The following KHDRBS2 variants were observed in gnomAD, a reference collection of about 807,000 sequenced individuals.
KHDRBS2 encodes KH domain-containing, RNA-binding, signal transduction-associated protein 2.
KHDRBS2 carries 26 observed loss-of-function variants against 44.3 expected under a neutral mutation model. The observed-to-expected ratio is 0.59, with a 90% CI of 0.43 to 0.81. The LOEUF (loss-of-function observed/expected upper bound fraction) is 0.81. Among genes scored for constraint, KHDRBS2 ranks in the 40% least tolerant of loss-of-function variants. The pLI, the probability that KHDRBS2 is intolerant of heterozygous loss-of-function variation, is 0.00. For missense variants in KHDRBS2, 476 were observed against 433.1 expected (o/e 1.10, Z -0.88); for synonymous variants, 194 against 151.1 (o/e 1.28, Z -2.08).
chr6:61,575,332 A>T, the KHDRBS2 span, among the ~76,000 whole-genome samples: 1 of 152,222 alleles, frequency 6.6e-6, no homozygotes, highest in Non-Finnish European at 1.5e-5. Context: ...TCAAAAGAAG[A>T]TATACAAATA....
At chr6:61,869,705 G>C (rs1798320927) in intron 6 of KHDRBS2, among the ~76,000 whole-genome samples, 2 of 152,180 alleles carry the variant, frequency 1.3e-5, no homozygotes, top group African/African-American at 4.8e-5. Context: ...AGCTCATGGA[G>C]GGTGAGCCGA....
chr6:61,686,706 A>T (rs1766850774), intron 8 of KHDRBS2, among the ~76,000 whole-genome samples: 1 of 151,680 alleles, frequency 6.6e-6, no homozygotes, highest in African/African-American at 2.4e-5. Flanking sequence ...ACTATGACTC[A>T]GAAAGTTTAG....
intron 2 of KHDRBS2, among the ~76,000 whole-genome samples, chr6:62,159,830 A>G (rs1817254493): frequency 6.6e-6 from 1 of 152,180 alleles, no homozygotes; most frequent in African/African-American, 2.4e-5. Flanking sequence ...CTACTCCTTA[A>G]GTGGAAGTGA....
At chr6:62,094,276 T>C (rs1800105356) in intron 2 of KHDRBS2, among the ~76,000 whole-genome samples, 1 of 151,864 alleles carries the variant, frequency 6.6e-6, no homozygotes, top group Non-Finnish European at 1.5e-5. Flanking sequence ...ATTTGAATTT[T>C]TCTGGTGATT....
the KHDRBS2 span, among the ~76,000 whole-genome samples, chr6:61,637,845 T>C: frequency 6.6e-6 from 1 of 152,158 alleles, no homozygotes; most frequent in East Asian, 1.9e-4. Context: ...TTGAGAAGTG[T>C]CTGTTCATGT....
chr6:61,863,162 G>T (rs1289899491), intron 6 of KHDRBS2, among the ~76,000 whole-genome samples: 1 of 151,190 alleles, frequency 6.6e-6, no homozygotes, highest in Non-Finnish European at 1.5e-5. Context: ...CTTTTTATTT[G>T]AATCTTCTCT....
the KHDRBS2 span, among the ~76,000 whole-genome samples, chr6:61,561,031 T>G: frequency 6.6e-6 from 1 of 152,182 alleles, no homozygotes; most frequent in African/African-American, 2.4e-5. Context: ...TTCTTATCTG[T>G]ATTAGGTAGG....
intron 2 of KHDRBS2, among the ~76,000 whole-genome samples, chr6:62,089,135 A>G (rs1207654394): frequency 2.0e-5 from 3 of 151,944 alleles, no homozygotes; most frequent in African/African-American, 4.8e-5. Flanking sequence ...ATTTCATACC[A>G]GTGTATCTCA....
At chr6:61,692,513 TTAAC>T (rs1239424362) in intron 8 of KHDRBS2, among the ~76,000 whole-genome samples, 5 of 152,026 alleles carry the variant, frequency 3.3e-5, no homozygotes, top group Non-Finnish European at 4.4e-5. Context: ...CCTGAATAAT[TTAAC>T]TGTGATAAAA....
At chr6:61,886,044 C>A (rs1196138350) in intron 6 of KHDRBS2, among the ~76,000 whole-genome samples, 4 of 152,132 alleles carry the variant, frequency 2.6e-5, no homozygotes, top group Non-Finnish European at 4.4e-5. Context: ...GTTGTCATAG[C>A]TAGGGCCACA....
chr6:61,676,581 C>T (rs114057536), downstream of KHDRBS2, among the ~76,000 whole-genome samples: 3,740 of 151,984 alleles, frequency 0.025, 69 homozygotes, highest in Middle Eastern at 0.082. Context: ...TGCATCCTCC[C>T]TGCCTTCCTG....
chr6:61,551,379 A>G, the KHDRBS2 span, among the ~76,000 whole-genome samples: 5 of 152,042 alleles, frequency 3.3e-5, no homozygotes, highest in Non-Finnish European at 5.9e-5. Context: ...ATTAGGTCCC[A>G]TTTGCCAATT....
intron 6 of KHDRBS2, among the ~76,000 whole-genome samples, chr6:61,757,080 G>A (rs1372085554): frequency 3.3e-5 from 5 of 152,072 alleles, no homozygotes; most frequent in Admixed American, 6.6e-5. Context: ...GCAGTTTATG[G>A]TATGAGTTTG....
In KHDRBS2 at chr6:62,127,032, G is replaced by A. The variant is rs147070660; in HGVS notation, c.219+50153C>T. Among the ~76,000 whole-genome samples the A allele has an allele frequency of 3.5e-3, 537 of 152,182 alleles. 2 individuals carry two copies. The highest frequency in any genetic ancestry group is 0.013 in the African/African-American group (521 of 41,532). Reference sequence around the variant, plus strand: ...AATGCTGCACCATCTTTCACAATAAGGTAAGTAAATAGAGGGTAATTAGGG... The same window carrying A: ...AATGCTGCACCATCTTTCACAATAAAGTAAGTAAATAGAGGGTAATTAGGG... On this transcript the variant is annotated intron_variant, in intron 2 of 8. Transcript: ENST00000281156.
intron 4 of KHDRBS2, among the ~76,000 whole-genome samples, chr6:61,954,503 A>C (rs1433324083): frequency 8.2e-6 from 1 of 121,580 alleles, no homozygotes; most frequent in Admixed American, 7.8e-5. Context: ...ATGTATGCAT[A>C]ATATATATGA....
At chr6:61,674,991 G>A (rs1200921928), downstream of KHDRBS2, among the ~76,000 whole-genome samples, 1 of 151,722 alleles carries the variant, frequency 6.6e-6, no homozygotes, top group African/African-American at 2.4e-5. Context: ...TCAAATCAGT[G>A]TAATTGGGAT....
intron 1 of KHDRBS2, among the ~76,000 whole-genome samples, chr6:62,272,999 CAT>C (rs1840324261): frequency 6.6e-6 from 1 of 151,482 alleles, no homozygotes; most frequent in African/African-American, 2.4e-5. Context: ...CCAGTTTGCA[CAT>C]GAGGAAAAAA....
intron 1 of KHDRBS2, among the ~76,000 whole-genome samples, chr6:62,204,005 C>T (rs1320754477): frequency 1.3e-5 from 2 of 152,062 alleles, no homozygotes; most frequent in African/African-American, 4.8e-5. Context: ...CCCTCTGCTC[C>T]GCTTGCTTCT....
intron 3 of KHDRBS2, among the ~76,000 whole-genome samples, chr6:62,017,045 C>A (rs1360386198): frequency 6.6e-6 from 1 of 152,044 alleles, no homozygotes; most frequent in Non-Finnish European, 1.5e-5. Flanking sequence ...TAAATTTTTT[C>A]TCTCATCTCA....
Sources: gnomAD v4.1 joint callset for allele counts (sites outside exome capture counted in the v4.1 genomes callset) on GRCh38, gnomAD v4.1.1 for gene constraint, MANE v1.5 for transcripts, NCBI Gene and HGNC (gene_info 2026-07-23, HGNC 2026-07-21) for gene names.